The following TNIK variants were observed in gnomAD, a reference collection of about 807,000 sequenced individuals.
TNIK encodes TRAF2 and NCK interacting kinase, also known as TRAF2 and NCK-interacting protein kinase.
In TNIK, 49 loss-of-function variants were observed where a neutral mutation model predicts 191.3. The ratio of observed to expected loss-of-function variants is 0.26; its 90% CI spans 0.20 to 0.32. TNIK has a LOEUF of 0.32. Among genes scored for constraint, TNIK ranks in the 10% least tolerant of loss-of-function variants. TNIK has a pLI of 1.00. For synonymous variants in TNIK, 594 were observed against 600.9 expected, an observed-to-expected ratio of 0.99 and a Z score of 0.17; for missense variants, 1,155 against 1,702.3, an observed-to-expected ratio of 0.68 and a Z score of 5.66.
rs149282819 is a variant in TNIK at position 171,321,840 on chromosome 3, A to G, written c.123+47780T>C. On this transcript the variant is annotated intron_variant, in intron 2 of 32. Transcript: ENST00000436636. ...ATAGTTTGGAGCCCATTGTAATTCA[A>G]TTTTACCTGTTTCACTCCCAAACCC... Among the ~76,000 whole-genome samples the G allele has an allele frequency of 1.1e-3, 168 of 152,306 alleles. 1 individual carries two copies. The highest frequency in any genetic ancestry group is 3.9e-3 in the African/African-American group (163 of 41,564).
At chr3:171,380,944 G>T (rs922273435) in intron 1 of TNIK, among the ~76,000 whole-genome samples, 10 of 152,218 alleles carry the variant, frequency 6.6e-5, no homozygotes, top group African/African-American at 2.4e-4. Context: ...TCTGGCAGAG[G>T]TACAAACCAA....
chr3:171,347,035 G>T, intron 2 of TNIK: 1 of 1,133,718 alleles, frequency 8.8e-7, no homozygotes, highest in Non-Finnish European at 1.2e-6. Flanking sequence ...GTTCATATGA[G>T]AGATGTGCAA....
chr3:171,350,248 G>A (rs1329852411), intron 2 of TNIK, among the ~76,000 whole-genome samples: 1 of 152,034 alleles, frequency 6.6e-6, no homozygotes, highest in African/African-American at 2.4e-5. Flanking sequence ...CTTAACCTCT[G>A]TATTTGTTCC....
intron 7 of TNIK, among the ~76,000 whole-genome samples, chr3:171,182,238 T>C (rs916274827): frequency 1.4e-5 from 2 of 147,790 alleles, no homozygotes; most frequent in African/African-American, 5.0e-5. Flanking sequence ...TTTATATTCC[T>C]GGTCATATAT....
chr3:171,391,185 A>T (rs1376678873), intron 1 of TNIK, among the ~76,000 whole-genome samples: 3 of 152,174 alleles, frequency 2.0e-5, no homozygotes, highest in Non-Finnish European at 4.4e-5. Flanking sequence ...TTTGTCTTTC[A>T]TCTAGACTGT....
intron 11 of TNIK, 71 bp from the exon 12 acceptor site, chr3:171,157,735 A>G (rs1278373613): frequency 6.8e-7 from 1 of 1,467,014 alleles, no homozygotes; most frequent in African/African-American, 1.4e-5. Context: ...GCCTTGGAGG[A>G]GGAAAGCGGG....
intron 2 of TNIK, among the ~76,000 whole-genome samples, chr3:171,300,217 C>A (rs913989188): frequency 6.6e-6 from 1 of 152,186 alleles, no homozygotes; most frequent in African/African-American, 2.4e-5. Context: ...TTATAAGTAA[C>A]TTTATGGCTG....
chr3:171,107,325 C>T (rs948437491), intron 20 of TNIK, 119 bp from the exon 21 acceptor site: 26 of 848,342 alleles, frequency 3.1e-5, no homozygotes, highest in African/African-American at 1.4e-4. Context: ...TACAAAAGGG[C>T]GAAGAGAATG....
chr3:171,307,368 A>C (rs1036010306), intron 2 of TNIK, among the ~76,000 whole-genome samples: 2 of 152,090 alleles, frequency 1.3e-5, no homozygotes, highest in Non-Finnish European at 2.9e-5. Context: ...ACATATTTCC[A>C]TGTTTAGAAA....
chr3:171,424,913 A>G (rs549571700), intron 1 of TNIK, among the ~76,000 whole-genome samples: 28 of 151,936 alleles, frequency 1.8e-4, no homozygotes, highest in Non-Finnish European at 3.8e-4. Context: ...CAGCACACCA[A>G]CATGGCACAT....
At chr3:171,271,931 A>G (rs560985143) in intron 2 of TNIK, among the ~76,000 whole-genome samples, 64 of 152,346 alleles carry the variant, frequency 4.2e-4, no homozygotes, top group African/African-American at 1.5e-3. Context: ...CCCTTAAAGA[A>G]TTAAAGTCTG....
At chr3:171,147,986 A>G (rs796860494) in intron 12 of TNIK, among the ~76,000 whole-genome samples, 14 of 152,168 alleles carry the variant, frequency 9.2e-5, no homozygotes, top group African/African-American at 3.4e-4. Context: ...CTTGTTACCT[A>G]CCTTAAAGCT....
At chr3:171,095,995 T>A (rs566804803) in intron 22 of TNIK, among the ~76,000 whole-genome samples, 1 of 152,248 alleles carries the variant, frequency 6.6e-6, no homozygotes, top group Non-Finnish European at 1.5e-5. Flanking sequence ...TTATCTTGTG[T>A]GTATCTTCCA....
intron 7 of TNIK, among the ~76,000 whole-genome samples, chr3:171,182,036 C>T (rs1312467234): frequency 6.6e-6 from 1 of 152,084 alleles, no homozygotes; most frequent in East Asian, 1.9e-4. Context: ...GCAGCCTTTC[C>T]CTAAGCCACC....
intron 24 of TNIK, among the ~76,000 whole-genome samples, chr3:171,087,056 A>G (rs898028842): frequency 5.3e-5 from 8 of 152,142 alleles, no homozygotes; most frequent in Non-Finnish European, 1.2e-4. Flanking sequence ...CTGGTCTTAG[A>G]TCTGTCACAA....
intron 2 of TNIK, among the ~76,000 whole-genome samples, chr3:171,228,715 A>G (rs1332221396): frequency 6.6e-6 from 1 of 152,230 alleles, no homozygotes; most frequent in East Asian, 1.9e-4. Flanking sequence ...AAACTAAAAC[A>G]GATAGCAATC....
intron 2 of TNIK, among the ~76,000 whole-genome samples, chr3:171,343,119 T>C (rs1040260988): frequency 3.5e-5 from 5 of 142,324 alleles, no homozygotes; most frequent in African/African-American, 1.3e-4. Context: ...AATGGACTAA[T>C]ACAACCCTCA....
At chr3:171,112,802 G>A (rs745660985) in intron 18 of TNIK, among the ~76,000 whole-genome samples, 5 of 151,634 alleles carry the variant, frequency 3.3e-5, no homozygotes, top group Non-Finnish European at 7.4e-5. Flanking sequence ...TTCATTAATT[G>A]TCTATTATAT....
At chr3:171,282,360 A>C (rs1176348744) in intron 2 of TNIK, among the ~76,000 whole-genome samples, 1 of 67,686 alleles carries the variant, frequency 1.5e-5, no homozygotes, top group East Asian at 2.8e-4. Context: ...TTTTTTTTTG[A>C]GATGGAGTTT....
Sources: allele counts gnomAD v4.1 joint callset (sites outside exome capture counted in the v4.1 genomes callset), GRCh38; gene constraint gnomAD v4.1.1; transcripts MANE v1.5; gene names NCBI Gene and HGNC (gene_info 2026-07-23, HGNC 2026-07-21).